MACROH2A1: variants seen among roughly 807,000 people sequenced by gnomAD.
MACROH2A1 encodes the protein core histone macro-H2A.1.
Under a neutral mutation model 31.6 loss-of-function variants are expected in MACROH2A1, and 2 were observed. The observed-to-expected ratio is 0.06, with a 90% confidence interval of 0.03 to 0.20. The LOEUF is 0.20. Among genes scored for constraint, MACROH2A1 ranks in the 10% least tolerant of loss-of-function variants. The pLI is 1.00. For synonymous variants in MACROH2A1, 169 were observed against 189.6 expected, an observed-to-expected ratio of 0.89 and a Z score of 0.89; for missense variants, 230 against 474.0, an observed-to-expected ratio of 0.49 and a Z score of 4.78.
chr5:135,373,164 A>G (rs1398552437), intron 2 of MACROH2A1, among the ~76,000 whole-genome samples: 2 of 152,148 alleles, frequency 1.3e-5, no homozygotes, highest in African/African-American at 4.8e-5. Flanking sequence ...AAAACGTTGG[A>G]GGAAGGCCCT....
At position 135,369,480 on chromosome 5, in the gene MACROH2A1, T is replaced by C; in HGVS notation, c.403A>G (p.Lys135Glu). ...TTCTTCTGGGATGGAGACTTGGCCT[T>C]TTTGGCTGGGGGTGGTGTGATGATG... ...EAIITPPPAK[K>E]AKSPSQKKPV... The change falls in exon 4 of 9, where the codon AAG becomes GAG. Residue 135 changes from lysine to glutamate, a missense_variant. Physicochemically the swap from Lys to Glu is moderately conservative, Grantham distance 56. Around this residue, in one of 2 missense-constraint regions of MACROH2A1, gnomAD observed 183 missense variants for 319.3 expected, o/e 0.57. Coordinates refer to ENST00000511689, the MANE Select transcript of MACROH2A1 (RefSeq NM_138610.3). The surrounding 1 kb of genome is among the most constrained non-coding windows in gnomAD (Gnocchi z 4.3). 1 of 1,614,210 alleles carries C rather than the reference T, an allele frequency of 6.2e-7. No homozygotes were observed. Among genetic ancestry groups the C allele is most frequent in the Non-Finnish European group, 8.5e-7 (1 of 1,180,028 alleles).
intron 5 of MACROH2A1, 103 bp downstream of exon 5, chr5:135,360,394 C>A: frequency 1.3e-6 from 1 of 773,100 alleles, no homozygotes; most frequent in South Asian, 1.5e-5. Flanking sequence ...ACCCACGAGG[C>A]TGGGAGTGGC....
chr5:135,389,095 G>A lies in MACROH2A1; in HGVS notation c.-2C>T, dbSNP rs377452310. 18 of 1,612,118 alleles carry A rather than the reference G, an allele frequency of 1.1e-5. No homozygotes were observed. The highest frequency in any genetic ancestry group is 1.5e-5 in the Non-Finnish European group (18 of 1,178,498). ...CTTCTTCCCACCGCGGCTCGACATG[G>A]CGGTGGCCCTGGAGGCGGATCAGTG... On this transcript the variant is annotated 5_prime_UTR_variant, in exon 2 of 9. Transcript: ENST00000511689.
chr5:135,368,242 G>A (rs1401823026), intron 4 of MACROH2A1, among the ~76,000 whole-genome samples: 1 of 152,264 alleles, frequency 6.6e-6, no homozygotes, highest in Non-Finnish European at 1.5e-5. Flanking sequence ...CCTGCATGCG[G>A]GTGAAAGCCA....
rs1471004891 is a variant in MACROH2A1 at position 135,334,735 on chromosome 5, T to A, written c.*241A>T. 3 of 436,382 alleles carry A rather than the reference T, an allele frequency of 6.9e-6. No individual in the cohort carries two copies. Among genetic ancestry groups the A allele is most frequent in the Non-Finnish European group, 8.2e-6 (2 of 243,724 alleles). 27.0% of individuals were successfully genotyped at this position (436,382 alleles called of 1,614,324 possible). The stretch of plus-strand genomic sequence containing the variant: ...AACTATAAAATCTCCTAGGTTACAC[T>A]AAGTCAGACACGGTCTGGAACACAG... On this transcript the variant is annotated 3_prime_UTR_variant, in exon 9 of 9. Coordinates refer to ENST00000511689, the MANE Select transcript of MACROH2A1 (RefSeq NM_138610.3).
chr5:135,393,169 C>T (rs778704703), intron 1 of MACROH2A1, among the ~76,000 whole-genome samples: 38 of 152,270 alleles, frequency 2.5e-4, no homozygotes, highest in Non-Finnish European at 5.0e-4. Context: ...AGATGCCTCC[C>T]ATCTTGTTAC....
At chr5:135,345,562 G>T in intron 7 of MACROH2A1, 1 of 164,014 alleles carries the variant, frequency 6.1e-6, no homozygotes, top group Non-Finnish European at 1.3e-5. Context: ...AGGTGTAATT[G>T]GCAAATGAGA....
At chr5:135,341,111 C>T (rs546051849) in intron 8 of MACROH2A1, among the ~76,000 whole-genome samples, 3 of 152,214 alleles carry the variant, frequency 2.0e-5, no homozygotes, top group Admixed American at 2.0e-4. Context: ...CTATTGCCTC[C>T]CTCTGCGGAA....
At chr5:135,392,198 C>T (rs946051173) in intron 1 of MACROH2A1, among the ~76,000 whole-genome samples, 1 of 152,200 alleles carries the variant, frequency 6.6e-6, no homozygotes, top group Non-Finnish European at 1.5e-5. Context: ...TTGCTCACTG[C>T]TCCATGTTCC....
chr5:135,397,331 C>T (rs1768153014), intron 1 of MACROH2A1, among the ~76,000 whole-genome samples: 1 of 151,984 alleles, frequency 6.6e-6, no homozygotes, highest in African/African-American at 2.4e-5. Context: ...TGACACTGGC[C>T]CATTTGGTAA....
intron 2 of MACROH2A1, among the ~76,000 whole-genome samples, chr5:135,370,810 G>A (rs1337871187): frequency 1.3e-5 from 2 of 152,158 alleles, no homozygotes; most frequent in Non-Finnish European, 2.9e-5. Flanking sequence ...ATAAAAGCTA[G>A]GAAAGTCATT....
At chr5:135,360,462 G>A (rs770601828) in intron 5 of MACROH2A1, 35 bp downstream of exon 5, 3 of 1,351,882 alleles carry the variant, frequency 2.2e-6, no homozygotes, top group African/African-American at 1.4e-5. Context: ...GTCCCTTGGG[G>A]CCCTCGAGTA....
intron 1 of MACROH2A1, among the ~76,000 whole-genome samples, chr5:135,390,475 C>T (rs186930271): frequency 2.6e-5 from 4 of 152,328 alleles, no homozygotes; most frequent in African/African-American, 9.6e-5. Context: ...CAATAAATAA[C>T]CCCCTAGTCA....
intron 1 of MACROH2A1, among the ~76,000 whole-genome samples, chr5:135,397,926 G>A (rs574149569): frequency 6.6e-6 from 1 of 152,194 alleles, no homozygotes; most frequent in South Asian, 2.1e-4. Flanking sequence ...CTACTTTAAC[G>A]GTAAAACCTC....
At chr5:135,339,403 G>A (rs1157760324) in intron 8 of MACROH2A1, among the ~76,000 whole-genome samples, 1 of 152,158 alleles carries the variant, frequency 6.6e-6, no homozygotes, top group African/African-American at 2.4e-5. Context: ...ACTTCACTAA[G>A]CACCCCTGCT....
At chr5:135,340,224 A>G (rs1325852304) in intron 8 of MACROH2A1, among the ~76,000 whole-genome samples, 1 of 152,188 alleles carries the variant, frequency 6.6e-6, no homozygotes, top group East Asian at 1.9e-4. Flanking sequence ...GTGACCTCAG[A>G]TGATTTACTT....
intron 6 of MACROH2A1, among the ~76,000 whole-genome samples, chr5:135,349,468 C>A (rs1235774318): frequency 1.3e-5 from 2 of 152,202 alleles, no homozygotes; most frequent in East Asian, 3.9e-4. Flanking sequence ...TCTGACTTTC[C>A]ATCCAGTTTG....
chr5:135,369,575 C>T lies in MACROH2A1; in HGVS notation c.308G>A (p.Gly103Glu). The T allele has an allele frequency of 6.2e-7, 1 of 1,613,960 alleles. No individual in the cohort carries two copies. The highest frequency in any genetic ancestry group is 8.5e-7 in the Non-Finnish European group (1 of 1,179,904). The change falls in exon 4 of 9, where the codon GGG becomes GAG. Residue 103 changes from glycine (G) to glutamate (E), a missense_variant. Gly to Glu is a moderately conservative substitution (Grantham distance 98, BLOSUM62 -2). Transcript: ENST00000511689. The surrounding 1 kb of genome is among the most constrained non-coding windows in gnomAD (Gnocchi z 4.3). ...QLLKGVTIAS[G>E]GVLPNIHPEL... The stretch of plus-strand genomic sequence containing the variant: ...GGGGTGGATGTTGGGTAACACACCC[C>T]CACTGGCTATGGTGACTCCTTTTAG...
chr5:135,343,513 C>G, intron 7 of MACROH2A1, 79 bp from the exon 8 acceptor site: 1 of 1,578,286 alleles, frequency 6.3e-7, no homozygotes, highest in Non-Finnish European at 8.6e-7. Flanking sequence ...AGACCCACTC[C>G]CCTGCCACGG....
Sources: allele counts gnomAD v4.1 joint callset (sites outside exome capture counted in the v4.1 genomes callset), GRCh38; gene constraint gnomAD v4.1.1; regional missense constraint gnomAD v4.1.1; non-coding constraint Gnocchi (gnomAD v3.1); transcripts MANE v1.5; gene names NCBI Gene and HGNC (gene_info 2026-07-23, HGNC 2026-07-21).